The following DLG1 variants were observed in gnomAD, a reference collection of about 807,000 sequenced individuals.
DLG1 encodes the protein discs large MAGUK scaffold protein 1.
Under a neutral mutation model 123.4 loss-of-function variants are expected in DLG1, and 42 were observed. The observed-to-expected ratio is 0.34, with a 90% CI of 0.27 to 0.44. DLG1 has a LOEUF of 0.44. Ranked by LOEUF, DLG1 falls within the 20% of genes least tolerant of loss-of-function variation. The probability of loss-of-function intolerance (pLI) is 1.00; values close to 1 mark genes in which losing one functional copy is unlikely to be tolerated. For missense variants in DLG1, 942 were observed against 1,082.6 expected (o/e 0.87, Z 1.82); for synonymous variants, 317 against 356.2 (o/e 0.89, Z 1.24).
rs7646328 is a variant in DLG1, at chr3:197,138,319, C to T, written c.786G>A (p.Ala262=). The change falls in exon 9 of 25, where the codon GCG becomes GCA. Residue 262 remains alanine, a synonymous_variant. Coordinates refer to ENST00000667157, the MANE Select transcript of DLG1 (RefSeq NM_001366207.1). Reference sequence around the variant, plus strand: ...GTACAATAGACCCTGCTTCTTTCAACGCTTCAACTGCTTTGCTATGTGTTA... The same window carrying T: ...GTACAATAGACCCTGCTTCTTTCAATGCTTCAACTGCTTTGCTATGTGTTA... The part of the protein sequence containing the change: ...RDVTHSKAVE[A]LKEAGSIVRL... The T allele has an allele frequency of 1.6e-3, 2,610 of 1,602,236 alleles. 34 individuals carry two copies. In the African/African-American group the frequency reaches 0.03, roughly 18 times the overall value.
intron 18 of DLG1, among the ~76,000 whole-genome samples, chr3:197,071,563 GTCA>G (rs1461147413): frequency 6.6e-6 from 1 of 151,968 alleles, no homozygotes; most frequent in Admixed American, 6.5e-5. Flanking sequence ...TTAGAATAGC[GTCA>G]TCATAATTGT....
intron 14 of DLG1, among the ~76,000 whole-genome samples, chr3:197,103,935 T>G (rs1236005633): frequency 6.6e-6 from 1 of 152,054 alleles, no homozygotes; most frequent in Admixed American, 6.5e-5. Context: ...ATTGGAGATG[T>G]GGTTATGCTG....
intron 22 of DLG1, among the ~76,000 whole-genome samples, chr3:197,064,324 G>A (rs1738024102): frequency 6.6e-6 from 1 of 151,776 alleles, no homozygotes. Flanking sequence ...CTCCTGAGAA[G>A]CTGGGATTAA....
chr3:197,183,524 C>A, intron 5 of DLG1: 2 of 1,482,192 alleles, frequency 1.3e-6, no homozygotes, highest in Middle Eastern at 1.8e-4. Context: ...TTTTACAGAG[C>A]AAACGTAAAC....
intron 1 of DLG1, chr3:197,297,588 C>T (rs1255931008): frequency 1.9e-6 from 2 of 1,026,064 alleles, no homozygotes; most frequent in East Asian, 9.4e-5. Context: ...CCCTTGGCCC[C>T]TGAGCCAGCA....
At chr3:197,213,504 G>C (rs189967895) in intron 4 of DLG1, among the ~76,000 whole-genome samples, 92 of 152,248 alleles carry the variant, frequency 6.0e-4, no homozygotes, top group African/African-American at 2.0e-3. Flanking sequence ...GTCTGCAGCT[G>C]TCAAAACTAA....
intron 18 of DLG1, among the ~76,000 whole-genome samples, chr3:197,072,785 C>T (rs541749582): frequency 1.0e-3 from 154 of 152,196 alleles, no homozygotes; most frequent in African/African-American, 3.4e-3. Flanking sequence ...CTTCACCTCC[C>T]GGGTTCAAGT....
intron 10 of DLG1, among the ~76,000 whole-genome samples, chr3:197,131,584 C>CTTTTTTTTTTTTTTTT (rs773487577): frequency 1.5e-5 from 1 of 65,736 alleles, no homozygotes; most frequent in African/African-American, 5.2e-5. Flanking sequence ...TTCTTCCTTT[C>CTTTTTTTTTTTTTTTT]TTTTTTTTTT....
At chr3:197,149,550 A>G (rs1454974690) in intron 6 of DLG1, among the ~76,000 whole-genome samples, 193 bp downstream of exon 6, 1 of 152,176 alleles carries the variant, frequency 6.6e-6, no homozygotes, top group African/African-American at 2.4e-5. Flanking sequence ...CTGCTTTACA[A>G]AAGGAAAAAA....
intron 11 of DLG1, among the ~76,000 whole-genome samples, chr3:197,121,613 T>C (rs561781721): frequency 1.7e-4 from 26 of 152,214 alleles, no homozygotes; most frequent in African/African-American, 5.5e-4. Flanking sequence ...GTATCATATT[T>C]TGACTACCTT....
intron 21 of DLG1, 38 bp downstream of exon 21, chr3:197,065,670 A>C (rs1313344078): frequency 7.1e-7 from 1 of 1,402,834 alleles, no homozygotes; most frequent in Admixed American, 1.8e-5. Flanking sequence ...AGGAAATGTT[A>C]AGAGTAACAA....
intron 15 of DLG1, among the ~76,000 whole-genome samples, chr3:197,088,601 T>A (rs1560576578): frequency 6.6e-6 from 1 of 152,048 alleles, no homozygotes; most frequent in African/African-American, 2.4e-5. Flanking sequence ...GGAAATAGAA[T>A]AATGGCAAAA....
At chr3:197,120,558 ATTAT>A (rs1427993603) in intron 11 of DLG1, among the ~76,000 whole-genome samples, 3 of 152,234 alleles carry the variant, frequency 2.0e-5, no homozygotes, top group African/African-American at 2.4e-5. Context: ...AAGTAGCTGT[ATTAT>A]TTAATTATCA....
At chr3:197,075,861 C>T (rs774486492) in intron 18 of DLG1, 4 of 1,612,178 alleles carry the variant, frequency 2.5e-6, no homozygotes, top group Non-Finnish European at 3.4e-6. Flanking sequence ...CCCATGTCGT[C>T]AGGGATCTCC....
intron 2 of DLG1, chr3:197,296,714 A>G: frequency 2.4e-6 from 1 of 425,398 alleles, no homozygotes; most frequent in East Asian, 3.6e-5. Flanking sequence ...GAGAGTGAGC[A>G]GTTTGGAATA....
chr3:197,247,095 C>A (rs1364464123), intron 4 of DLG1, among the ~76,000 whole-genome samples: 3 of 152,194 alleles, frequency 2.0e-5, no homozygotes, highest in Non-Finnish European at 4.4e-5. Flanking sequence ...GACTTCTGAG[C>A]TAGTTAAGGG....
At chr3:197,271,908 G>C (rs1286290366) in intron 4 of DLG1, among the ~76,000 whole-genome samples, 4 of 152,130 alleles carry the variant, frequency 2.6e-5, no homozygotes, top group African/African-American at 9.7e-5. Context: ...CTAGGTGAAG[G>C]CAAAAAACTG....
intron 4 of DLG1, among the ~76,000 whole-genome samples, chr3:197,266,609 T>C (rs918964204): frequency 6.6e-6 from 1 of 151,746 alleles, no homozygotes; most frequent in Admixed American, 6.6e-5. Context: ...CAAGACCCTG[T>C]CTCCAAAAAG....
intron 5 of DLG1, among the ~76,000 whole-genome samples, chr3:197,177,266 T>C (rs1561262683): frequency 6.6e-6 from 1 of 152,120 alleles, no homozygotes; most frequent in Non-Finnish European, 1.5e-5. Context: ...AGCGTTTCCA[T>C]CCAAACTGTG....
Sources: allele counts gnomAD v4.1 joint callset (sites outside exome capture counted in the v4.1 genomes callset), GRCh38; gene constraint gnomAD v4.1.1; transcripts MANE v1.5; gene names NCBI Gene and HGNC (gene_info 2026-07-23, HGNC 2026-07-21).